PPP3CA: variants seen among roughly 807,000 people sequenced by gnomAD.
PPP3CA encodes the protein CAM-PRP catalytic subunit.
In PPP3CA, 14 loss-of-function variants were observed where a neutral mutation model predicts 66.5. The observed-to-expected ratio is 0.21, with a 90% CI of 0.14 to 0.33. The LOEUF is 0.33. PPP3CA is among the 10% of genes least tolerant of loss of function. The pLI is 1.00. For synonymous variants in PPP3CA, 232 were observed against 226.2 expected, an observed-to-expected ratio of 1.03 and a Z score of -0.23; for missense variants, 317 against 639.5, an observed-to-expected ratio of 0.50 and a Z score of 5.44.
rs535038600 is a variant in PPP3CA at position 101,209,584 on chromosome 4, G to A, written c.59-13468C>T. ...ATTTAAAGTACAATTTTGAATGTAA[G>A]ATTGATGTATTTTATTTATGCACAT... On this transcript the variant is annotated intron_variant, in intron 1 of 13. Coordinates refer to ENST00000394854, the MANE Select transcript of PPP3CA (RefSeq NM_000944.5). Among the ~76,000 whole-genome samples, 6 of 152,268 alleles carry A rather than the reference G, an allele frequency of 3.9e-5. No individual in the cohort carries two copies. In the South Asian group the frequency reaches 1.2e-3, roughly 32 times the overall value.
At chr4:101,125,968 T>C (rs1399196026) in intron 2 of PPP3CA, among the ~76,000 whole-genome samples, 3 of 152,198 alleles carry the variant, frequency 2.0e-5, no homozygotes, top group African/African-American at 7.2e-5. Context: ...ATATCTTTTT[T>C]CATAGGAAAT....
At chr4:101,292,912 A>G (rs6836243) in intron 1 of PPP3CA, among the ~76,000 whole-genome samples, 13,237 of 152,264 alleles carry the variant, frequency 0.087, 1,733 homozygotes, top group African/African-American at 0.29. Flanking sequence ...ACTATATCAC[A>G]TAATGTAAAT....
intron 1 of PPP3CA, among the ~76,000 whole-genome samples, chr4:101,255,178 T>A (rs1726801843): frequency 6.6e-6 from 1 of 151,834 alleles, no homozygotes; most frequent in African/African-American, 2.4e-5. Flanking sequence ...TGAGAAAGCC[T>A]ATCCCTTGTG....
chr4:101,325,892 C>A (rs1485432893), intron 1 of PPP3CA, among the ~76,000 whole-genome samples: 2 of 152,136 alleles, frequency 1.3e-5, no homozygotes, highest in Non-Finnish European at 2.9e-5. Flanking sequence ...AATCCTAGCA[C>A]TTTGGGGGGC....
intron 1 of PPP3CA, among the ~76,000 whole-genome samples, chr4:101,338,203 C>T (rs1322773847): frequency 6.6e-6 from 1 of 152,200 alleles, no homozygotes; most frequent in Non-Finnish European, 1.5e-5. Context: ...AAGTCAAGCA[C>T]TCCCTATGGG....
chr4:101,184,026 G>A (rs1349297657), intron 2 of PPP3CA, among the ~76,000 whole-genome samples: 1 of 152,118 alleles, frequency 6.6e-6, no homozygotes, highest in African/African-American at 2.4e-5. Context: ...GACAAAAGTA[G>A]CTAGGTCAGA....
intron 1 of PPP3CA, among the ~76,000 whole-genome samples, chr4:101,202,063 A>C (rs944850966): frequency 2.8e-4 from 43 of 152,224 alleles, no homozygotes; most frequent in African/African-American, 1.0e-3. Flanking sequence ...GCAAAACTAA[A>C]GAACAAGTTT....
chr4:101,185,973 GAA>G (rs1724397095), intron 2 of PPP3CA, among the ~76,000 whole-genome samples: 2 of 152,248 alleles, frequency 1.3e-5, no homozygotes, highest in East Asian at 3.9e-4. Context: ...AACAGAAGCT[GAA>G]ATATTAGCTC....
intron 8 of PPP3CA, among the ~76,000 whole-genome samples, chr4:101,075,059 A>C (rs1337756105): frequency 6.6e-6 from 1 of 152,170 alleles, no homozygotes. Context: ...TAAAACCATC[A>C]GATCTTGTGA....
At position 101,033,240 on chromosome 4, in the gene PPP3CA, A is replaced by T. The variant is rs144836529; in HGVS notation, c.1242-876T>A. ...TGTATATATACACATATACACAAAC[A>T]TACATATATTTGCGTGTATATATAC... On this transcript the variant is annotated intron_variant, in intron 11 of 13. Transcript: ENST00000394854. Among the ~76,000 whole-genome samples, 1,040 of 152,138 alleles carry T rather than the reference A, an allele frequency of 6.8e-3. 8 individuals carry two copies. The highest frequency in any genetic ancestry group is 0.036 in the South Asian group (176 of 4,828).
rs373267930 is a variant in PPP3CA at position 101,099,369 on chromosome 4, A to G, written c.496+242T>C. 2.6e-5 allele frequency among the ~76,000 whole-genome samples: 4 copies of G among 152,146 alleles called. No individual in the cohort carries two copies. In the South Asian group the frequency reaches 6.2e-4, roughly 24 times the overall value. On this transcript the variant is annotated intron_variant, in intron 4 of 13. Transcript: ENST00000394854. ...ATCCCTAAATCACTTGTTTCTTAGG[A>G]TAAATTACATCAAATCTTAATTCAA...
intron 1 of PPP3CA, among the ~76,000 whole-genome samples, chr4:101,247,671 T>C (rs1726532360): frequency 1.3e-5 from 2 of 152,176 alleles, no homozygotes; most frequent in Admixed American, 1.3e-4. Context: ...TTGTATGTAT[T>C]AAGGTATAAT....
At chr4:101,328,713 G>A (rs1168218333) in intron 1 of PPP3CA, among the ~76,000 whole-genome samples, 1 of 152,094 alleles carries the variant, frequency 6.6e-6, no homozygotes, top group African/African-American at 2.4e-5. Context: ...CTCACTTTGT[G>A]TCTCTTGTGA....
rs765286446 is a variant in PPP3CA at position 101,032,228 on chromosome 4, G to A, written c.1339+39C>T. The A allele has an allele frequency of 7.7e-6, 11 of 1,428,644 alleles. 1 individual carries two copies. The highest frequency in any genetic ancestry group is 5.0e-5 in the East Asian group (2 of 40,394). The allele number at this position is 1,428,644 out of a possible 1,614,324, so 88.5% of individuals were successfully genotyped here. A position where few individuals can be genotyped will look rare whatever the true frequency, so the allele number is the denominator to read the frequency against. On this transcript the variant is annotated intron_variant, in intron 12 of 13. Coordinates refer to ENST00000394854, the MANE Select transcript of PPP3CA (RefSeq NM_000944.5). Reference sequence around the variant, plus strand: ...GGGCTCTAATGACACAGCTGACTGCGATGCCCCAGCACACAGTCATACCCA... The same window carrying A: ...GGGCTCTAATGACACAGCTGACTGCAATGCCCCAGCACACAGTCATACCCA...
At chr4:101,181,240 T>C (rs28414287) in intron 2 of PPP3CA, among the ~76,000 whole-genome samples, 7,165 of 152,096 alleles carry the variant, frequency 0.047, 596 homozygotes, top group African/African-American at 0.16. Flanking sequence ...AATAACATAC[T>C]AAGTATCTCG....
chr4:101,227,492 T>G (rs958026939), intron 1 of PPP3CA, among the ~76,000 whole-genome samples: 1 of 151,804 alleles, frequency 6.6e-6, no homozygotes, highest in Non-Finnish European at 1.5e-5. Context: ...CTCTTCCTCA[T>G]GTTTCAATCA....
At chr4:101,250,450 T>C (rs1363634956) in intron 1 of PPP3CA, 1 of 411,322 alleles carries the variant, frequency 2.4e-6, no homozygotes, top group East Asian at 7.8e-5. Flanking sequence ...TTATGTTACA[T>C]AGAAAGGATG....
At chr4:101,148,974 C>G (rs575932333) in intron 2 of PPP3CA, among the ~76,000 whole-genome samples, 213 of 152,160 alleles carry the variant, frequency 1.4e-3, no homozygotes, top group African/African-American at 4.8e-3. Context: ...TACTAGCATG[C>G]CATATTAATG....
In PPP3CA at chr4:101,106,453, GAGAAA is replaced by G. The variant is rs70961774; in HGVS notation, c.384+2496_384+2500del. Among the ~76,000 whole-genome samples the G allele has an allele frequency of 8.8e-3, 313 of 35,502 alleles. 61 individuals carry two copies. The highest frequency in any genetic ancestry group is 0.013 in the Admixed American group (43 of 3,440). 23.3% of individuals were successfully genotyped at this position (35,502 alleles called of 152,430 possible). On this transcript the variant is annotated intron_variant, in intron 3 of 13. Coordinates refer to ENST00000394854, the MANE Select transcript of PPP3CA (RefSeq NM_000944.5). Reference sequence around the variant, plus strand: ...AGAAAGAAAGAAAGAAAGAAAGAAAGAGAAAAGAAAAGAAAAGAAAAGAAAAGAAA... The same window carrying G: ...AGAAAGAAAGAAAGAAAGAAAGAAAGAGAAAAGAAAAGAAAAGAAAAGAAA...
Sources: gnomAD v4.1 joint callset for allele counts (sites outside exome capture counted in the v4.1 genomes callset) on GRCh38, gnomAD v4.1.1 for gene constraint, MANE v1.5 for transcripts, NCBI Gene and HGNC (gene_info 2026-07-23, HGNC 2026-07-21) for gene names.